The following INPP5B variants were observed in gnomAD, a reference collection of about 807,000 sequenced individuals.
The protein encoded by INPP5B is inositol polyphosphate-5-phosphatase B.
INPP5B carries 90 observed loss-of-function variants against 118.5 expected under a neutral mutation model. The ratio of observed to expected loss-of-function variants is 0.76; its 90% CI spans 0.64 to 0.90. The LOEUF is 0.90. Among genes scored for constraint, INPP5B ranks in the 40% least tolerant of loss-of-function variants. INPP5B has a pLI of 0.00. For synonymous variants in INPP5B, 385 were observed against 418.9 expected (o/e 0.92, Z 0.99); for missense variants, 984 against 1,125.6 (o/e 0.87, Z 1.80).
intron 7 of INPP5B, among the ~76,000 whole-genome samples, chr1:37,927,086 A>G (rs1457352394): frequency 2.6e-5 from 4 of 152,218 alleles, no homozygotes; most frequent in African/African-American, 9.6e-5. Flanking sequence ...CAGGAGATGG[A>G]GACCATCCTG....
intron 14 of INPP5B, 61 bp from the exon 15 acceptor site, chr1:37,880,255 T>A: frequency 8.1e-7 from 1 of 1,234,522 alleles, no homozygotes; most frequent in African/African-American, 1.5e-5. Flanking sequence ...TTTGAATTAG[T>A]GGAGAAAAGC....
chr1:37,882,299 C>A (rs74665652), intron 14 of INPP5B, among the ~76,000 whole-genome samples: 2 of 152,022 alleles, frequency 1.3e-5, no homozygotes, highest in African/African-American at 4.8e-5. Flanking sequence ...TGTGAAACAG[C>A]GAGTGCTCTG....
chr1:37,875,536 G>C (rs904298468), intron 17 of INPP5B, 70 bp downstream of exon 17: 12 of 1,200,012 alleles, frequency 1.0e-5, no homozygotes, highest in Non-Finnish European at 1.4e-5. Context: ...CCAAAGTGCT[G>C]GGATTACAGG....
Position 37,875,699 on chromosome 1 carries a change from G to A in INPP5B, c.1695C>T (p.Asp565=), listed in dbSNP as rs766907538. 3.3e-5 allele frequency: 53 copies of A among 1,613,676 alleles called. No individual in the cohort carries two copies. Among genetic ancestry groups the A allele is most frequent in the South Asian group, 2.2e-4 (20 of 91,066 alleles). Residue 565 remains aspartate (D), a synonymous_variant, in exon 17 of 24, where the codon GAC becomes GAT. Coordinates refer to ENST00000373024, the MANE Select transcript of INPP5B (RefSeq NM_005540.3). ...CCTCCAGTGTCTTCCGGTAAAGCTC[G>A]TCATTTACGACCCTCACCTGAAAGG... is the stretch of plus-strand genomic sequence containing the variant. The part of the protein sequence containing the change: ...VFDIGVRVVN[D]ELYRKTLEEI...
At chr1:37,912,444 T>G (rs997340817) in intron 7 of INPP5B, among the ~76,000 whole-genome samples, 1 of 152,230 alleles carries the variant, frequency 6.6e-6, no homozygotes, top group Non-Finnish European at 1.5e-5. Flanking sequence ...CCCTTCATTC[T>G]ATTAGGTCTA....
chr1:37,894,462 C>CT (rs1256289161), intron 7 of INPP5B, among the ~76,000 whole-genome samples: 1 of 152,120 alleles, frequency 6.6e-6, no homozygotes, highest in South Asian at 2.1e-4. Context: ...CCCCATCATT[C>CT]AGCATACCAC....
chr1:37,873,216 A>G, intron 18 of INPP5B, 51 bp from the exon 19 acceptor site: 2 of 1,279,030 alleles, frequency 1.6e-6, no homozygotes, highest in Non-Finnish European at 2.3e-6. Context: ...CCAAGAGGAA[A>G]GGGGAAAGAA....
chr1:37,917,970 G>C (rs924595389), intron 7 of INPP5B, among the ~76,000 whole-genome samples: 2 of 152,062 alleles, frequency 1.3e-5, no homozygotes, highest in African/African-American at 4.8e-5. Flanking sequence ...CTGTATGCAG[G>C]GGGGACCCAG....
At chr1:37,936,361 C>T (rs1203619376) in intron 6 of INPP5B, among the ~76,000 whole-genome samples, 1 of 152,146 alleles carries the variant, frequency 6.6e-6, no homozygotes, top group Non-Finnish European at 1.5e-5. Flanking sequence ...TGGTTCACGC[C>T]TGTAATTCCC....
intron 12 of INPP5B, among the ~76,000 whole-genome samples, chr1:37,886,047 AGGCGCCTGT>A (rs1386942841): frequency 6.6e-6 from 1 of 151,928 alleles, no homozygotes; most frequent in African/African-American, 2.4e-5. Flanking sequence ...GTGTGGTGGC[AGGCGCCTGT>A]CATCCCAGCT....
chr1:37,945,712 C>A, intron 3 of INPP5B, 44 bp downstream of exon 3: 1 of 1,467,614 alleles, frequency 6.8e-7, no homozygotes, highest in Non-Finnish European at 9.5e-7. Context: ...CAGTGATGAA[C>A]AACCCCATGG....
At position 37,889,640 on chromosome 1, in the gene INPP5B, C is replaced by T. The variant is rs757103552; in HGVS notation, c.714G>A (p.Met238Ile). Reference sequence around the variant, plus strand: ...TTGTATCTCGCAGTCCAAACTTCTGCATGGATAAAATATGAGCCTTGTCCG... The same window carrying T: ...TTGTATCTCGCAGTCCAAACTTCTGTATGGATAAAATATGAGCCTTGTCCG... ...TVSDKAHILS[M>I]QKFGLRDTIV... The change falls in exon 9 of 24, where the codon ATG becomes ATA. Residue 238 changes from methionine (M) to isoleucine (I), a missense_variant. By Grantham distance (10) the Met-to-Ile change is conservative. Coordinates refer to ENST00000373024, the MANE Select transcript of INPP5B (RefSeq NM_005540.3). The T allele has an allele frequency of 2.1e-5, 34 of 1,613,508 alleles. No homozygotes were observed. The highest frequency in any genetic ancestry group is 2.8e-5 in the Non-Finnish European group (33 of 1,179,614).
rs997912704 is a variant in INPP5B, at chr1:37,919,611, G to A, written c.532+12302C>T. ...GTCAGGCTCTGTTGATGATGACAAT[G>A]ATAGTATTATAAATACTAATAATAT... On this transcript the variant is annotated intron_variant, in intron 7 of 23. Transcript: ENST00000373024. 3.9e-5 allele frequency among the ~76,000 whole-genome samples: 6 copies of A among 152,158 alleles called. No homozygotes were observed. In the South Asian group the frequency reaches 1.2e-3, roughly 32 times the overall value.
In INPP5B at chr1:37,866,424, A is replaced by G. The variant is rs774692357; in HGVS notation, c.2386+35T>C. ...CTCTCTCTCACACACACACACACAC[A>G]CACACACACACAGAGCTGAATGTCT... On this transcript the variant is annotated intron_variant, in intron 21 of 23. Transcript: ENST00000373024. 31 of 1,083,472 alleles carry G rather than the reference A, an allele frequency of 2.9e-5. No individual in the cohort carries two copies. In the East Asian group the frequency reaches 7.0e-4, roughly 25 times the overall value. The allele number at this position is 1,083,472 out of a possible 1,614,324, so 67.1% of individuals were successfully genotyped here. A position where few individuals can be genotyped will look rare whatever the true frequency, so the allele number is the denominator to read the frequency against.
intron 23 of INPP5B, 81 bp downstream of exon 23, chr1:37,864,231 C>A: frequency 1.3e-6 from 1 of 776,154 alleles, no homozygotes; most frequent in Non-Finnish European, 2.2e-6. Flanking sequence ...TGCAAGGGAC[C>A]TGGGACCCTC....
At chr1:37,941,958 A>AATATATATATAGATATATAT (rs1645941427) in intron 5 of INPP5B, 1 of 30,392 alleles carries the variant, frequency 3.3e-5, no homozygotes, top group African/African-American at 1.5e-4. Context: ...AAAAAAAAAA[A>AATATATATATAGATATATAT]ATATATATAT....
chr1:37,937,972 C>CAA (rs916186225), intron 6 of INPP5B, among the ~76,000 whole-genome samples: 24 of 57,608 alleles, frequency 4.2e-4, no homozygotes, highest in Non-Finnish European at 5.1e-4. Flanking sequence ...AAGTTGGTCT[C>CAA]AAAAAAAAAA....
At chr1:37,891,259 A>C in intron 8 of INPP5B, 99 bp downstream of exon 8, 1 of 739,582 alleles carries the variant, frequency 1.4e-6, no homozygotes, top group South Asian at 1.9e-5. Flanking sequence ...TTCCTAGGCC[A>C]GCTACCCTGG....
rs771423306 is a variant in INPP5B at position 37,891,349 on chromosome 1, T to C, written c.629+9A>G. ...CTACAAGGGACAAGTGAAGGGAGAG[T>C]TGCATTACCTTGGTTGCAAGCTTTC... is the stretch of plus-strand genomic sequence containing the variant. On this transcript the variant is annotated intron_variant, in intron 8 of 23. Transcript: ENST00000373024. The C allele has an allele frequency of 6.2e-7, 1 of 1,603,562 alleles. No individual in the cohort carries two copies. The highest frequency in any genetic ancestry group is 1.7e-5 in the Admixed American group (1 of 59,878).
Sources: gnomAD v4.1 joint callset for allele counts (sites outside exome capture counted in the v4.1 genomes callset) on GRCh38, gnomAD v4.1.1 for gene constraint, MANE v1.5 for transcripts, NCBI Gene and HGNC (gene_info 2026-07-23, HGNC 2026-07-21) for gene names.